STK31: variants seen among roughly 807,000 people sequenced by gnomAD.
STK31 encodes serine/threonine-protein kinase 31.
A neutral mutation model predicts 129.7 loss-of-function variants in STK31; 89 were observed. The observed-to-expected ratio is 0.69, with a 90% CI of 0.58 to 0.82. The LOEUF is 0.82. STK31 is among the 40% of genes least tolerant of loss of function. The pLI, the probability that STK31 is intolerant of heterozygous loss-of-function variation, is 0.00. For synonymous variants in STK31, 448 were observed against 395.3 expected (o/e 1.13, Z -1.58); for missense variants, 1,187 against 1,176.4 (o/e 1.01, Z -0.13).
At chr7:23,727,096 C>T in intron 4 of STK31, 145 bp from the exon 5 acceptor site, 1 of 665,320 alleles carries the variant, frequency 1.5e-6, no homozygotes, top group Admixed American at 2.8e-5. Context: ...AAACAAAGTA[C>T]CTGCCTGATA....
At chr7:23,767,265 T>C (rs1333808769) in intron 11 of STK31, among the ~76,000 whole-genome samples, 1 of 152,208 alleles carries the variant, frequency 6.6e-6, no homozygotes, top group African/African-American at 2.4e-5. Context: ...TTTTATCCTC[T>C]TCTTATCTCT....
chr7:23,749,040 C>T (rs1001985075), intron 8 of STK31, among the ~76,000 whole-genome samples: 3 of 152,120 alleles, frequency 2.0e-5, no homozygotes, highest in Non-Finnish European at 4.4e-5. Flanking sequence ...TAGATCTGTC[C>T]ACCTCTGATA....
At chr7:23,777,228 G>A (rs1321382040) in intron 15 of STK31, among the ~76,000 whole-genome samples, 17 of 152,178 alleles carry the variant, frequency 1.1e-4, no homozygotes, top group African/African-American at 3.9e-4. Flanking sequence ...TTGCCAGGAA[G>A]TGTTTTACTT....
At chr7:23,823,425 T>C (rs1481211829) in intron 23 of STK31, among the ~76,000 whole-genome samples, 9 of 152,096 alleles carry the variant, frequency 5.9e-5, no homozygotes, top group Non-Finnish European at 1.5e-5. Flanking sequence ...ATATCCTTCA[T>C]CCACTTTTTG....
chr7:23,758,453 G>A (rs62468636), intron 10 of STK31, among the ~76,000 whole-genome samples: 41,480 of 151,108 alleles, frequency 0.27, 5,951 homozygotes, highest in East Asian at 0.4. Context: ...TTTTTTTTGT[G>A]TGTGTGTGTC....
chr7:23,822,770 C>T (rs775807515), intron 23 of STK31, among the ~76,000 whole-genome samples: 4 of 152,122 alleles, frequency 2.6e-5, no homozygotes, highest in Admixed American at 1.3e-4. Context: ...CAACAGTCCC[C>T]GGTATGTGAT....
chr7:23,781,549 A>G, intron 16 of STK31, 29 bp downstream of exon 16: 2 of 1,515,726 alleles, frequency 1.3e-6, no homozygotes, highest in Non-Finnish European at 1.8e-6. Context: ...GAAGTTTTAC[A>G]TTAGGTTTTA....
chr7:23,755,719 T>C (rs1584391354), intron 10 of STK31, among the ~76,000 whole-genome samples: 1 of 151,388 alleles, frequency 6.6e-6, no homozygotes, highest in East Asian at 1.9e-4. Flanking sequence ...TCTGCATATG[T>C]CTAGTTTTCC....
chr7:23,818,968 C>T (rs1053929149), intron 23 of STK31, among the ~76,000 whole-genome samples: 3 of 152,158 alleles, frequency 2.0e-5, no homozygotes, highest in Non-Finnish European at 4.4e-5. Flanking sequence ...TCTTGGTTGT[C>T]ATTCTTCTAA....
intron 4 of STK31, among the ~76,000 whole-genome samples, chr7:23,720,928 T>C (rs1786653466): frequency 6.6e-6 from 1 of 152,186 alleles, no homozygotes; most frequent in Non-Finnish European, 1.5e-5. Flanking sequence ...ATAGAGGAAA[T>C]GCAAACAACT....
intron 22 of STK31, among the ~76,000 whole-genome samples, chr7:23,798,519 A>G (rs1291240139): frequency 9.9e-6 from 1 of 101,068 alleles, no homozygotes; most frequent in African/African-American, 3.5e-5. Context: ...ACCTCAATAG[A>G]TGCAAGAAAA....
chr7:23,827,658 G>A (rs1022601667), intron 23 of STK31, among the ~76,000 whole-genome samples: 8 of 152,100 alleles, frequency 5.3e-5, no homozygotes, highest in South Asian at 2.1e-4. Flanking sequence ...TTCCTTTGTC[G>A]GAGGAGAGGC....
intron 23 of STK31, among the ~76,000 whole-genome samples, chr7:23,824,508 T>C (rs1406919480): frequency 1.3e-5 from 2 of 152,164 alleles, no homozygotes; most frequent in East Asian, 3.8e-4. Flanking sequence ...GCTGAGATGA[T>C]GGGGTTTTCT....
At chr7:23,711,362 G>C (rs978708335) in intron 1 of STK31, among the ~76,000 whole-genome samples, 9 of 151,858 alleles carry the variant, frequency 5.9e-5, no homozygotes, top group Non-Finnish European at 8.8e-5. Context: ...GCTTGAACCC[G>C]GGGGGTGGAG....
intron 22 of STK31, among the ~76,000 whole-genome samples, chr7:23,813,248 G>A (rs1030017196): frequency 6.6e-6 from 1 of 151,888 alleles, no homozygotes; most frequent in African/African-American, 2.4e-5. Flanking sequence ...TAACTTTCAT[G>A]TGATTCTTTT....
At chr7:23,790,398 C>T (rs1791548050) in intron 21 of STK31, among the ~76,000 whole-genome samples, 1 of 152,112 alleles carries the variant, frequency 6.6e-6, no homozygotes, top group South Asian at 2.1e-4. Flanking sequence ...TGTCACTGAT[C>T]ATCTTTGACA....
intron 6 of STK31, among the ~76,000 whole-genome samples, chr7:23,733,205 A>G (rs1787530745): frequency 6.6e-6 from 1 of 152,068 alleles, no homozygotes; most frequent in South Asian, 2.1e-4. Flanking sequence ...AAAAATTTAT[A>G]AAACCTGTGT....
chr7:23,800,581 C>T (rs1248912353), intron 22 of STK31, among the ~76,000 whole-genome samples: 1 of 151,702 alleles, frequency 6.6e-6, no homozygotes, highest in Non-Finnish European at 1.5e-5. Context: ...GGGAACATCA[C>T]ACAGTGGGGC....
Position 23,827,596 on chromosome 7 carries a change from C to T in STK31, c.2830-4540C>T, listed in dbSNP as rs183869381. On this transcript the variant is annotated intron_variant, in intron 23 of 23. Coordinates refer to ENST00000355870, the MANE Select transcript of STK31 (RefSeq NM_031414.5). ...CTTCTGAAGCCTTCCTCTCTCAACTCGTCAAAGTCATTCTCTGTCCAGCTT... is the reference window on the plus strand; with the variant it reads ...CTTCTGAAGCCTTCCTCTCTCAACTTGTCAAAGTCATTCTCTGTCCAGCTT... Among the ~76,000 whole-genome samples the T allele has an allele frequency of 2.6e-4, 39 of 152,322 alleles. 1 individual carries two copies. In the East Asian group the frequency reaches 6.7e-3, roughly 26 times the overall value.
Sources: gnomAD v4.1 joint callset for allele counts (sites outside exome capture counted in the v4.1 genomes callset) on GRCh38, gnomAD v4.1.1 for gene constraint, MANE v1.5 for transcripts, NCBI Gene and HGNC (gene_info 2026-07-23, HGNC 2026-07-21) for gene names.